STON2: variants seen among roughly 807,000 people sequenced by gnomAD.
STON2 encodes the protein stonin 2.
A neutral mutation model predicts 65.7 loss-of-function variants in STON2; 29 were observed. The ratio of observed to expected loss-of-function variants is 0.44; its 90% confidence interval spans 0.33 to 0.60. The LOEUF (loss-of-function observed/expected upper bound fraction) is 0.60. Ranked by LOEUF, STON2 falls within the 20% of genes least tolerant of loss-of-function variation. STON2 has a pLI of 0.03. For synonymous variants in STON2, 404 were observed against 414.2 expected (o/e 0.98, Z 0.30); for missense variants, 1,054 against 1,118.1 (o/e 0.94, Z 0.82).
At chr14:81,323,757 A>G (rs1431111499) in intron 5 of STON2, 1 of 152,124 alleles carries the variant, frequency 6.6e-6, no homozygotes, top group Non-Finnish European at 1.5e-5. Flanking sequence ...TTGTTTTTCT[A>G]CAGTGCCAAA....
At position 81,430,152 on chromosome 14, in the gene STON2, C is replaced by T. The variant is rs557171659; in HGVS notation, c.-309-2940G>A. Among the ~76,000 whole-genome samples the T allele has an allele frequency of 9.7e-4, 147 of 152,304 alleles. 1 individual carries two copies. The highest frequency in any genetic ancestry group is 3.5e-3 in the African/African-American group (144 of 41,558). On this transcript the variant is annotated intron_variant, in intron 1 of 8. Coordinates refer to the STON2 transcript ENST00000553821. ...TCCAGCCCGGAGTAGCTGCTCCTCC[C>T]TGAACCTTCCCAGCCCAGCACAATC...
chr14:81,333,512 T>A (rs1242833028), intron 4 of STON2, among the ~76,000 whole-genome samples: 1 of 152,210 alleles, frequency 6.6e-6, no homozygotes, highest in Non-Finnish European at 1.5e-5. Context: ...AAAAGTTAAG[T>A]GTTTTGTACT....
rs1383210314 is a variant in STON2, at chr14:81,262,670, A to G, written c.*5744T>C. ...ATTACTGTGGATAGTTTCTGCCTTT[A>G]CAGGCTTAGAATTGACAAATTGAGA... On this transcript the variant is annotated 3_prime_UTR_variant, in exon 8 of 8. Transcript: ENST00000614646. The G allele has an allele frequency of 2.0e-6, 2 of 985,448 alleles. No individual in the cohort carries two copies. Among genetic ancestry groups the G allele is most frequent in the South Asian group, 9.4e-5 (2 of 21,288 alleles). The allele number at this position is 985,448 out of a possible 1,614,324, so 61.0% of individuals were successfully genotyped here.
At chr14:81,380,847 G>T (rs1351544905) in intron 3 of STON2, among the ~76,000 whole-genome samples, 1 of 152,050 alleles carries the variant, frequency 6.6e-6, no homozygotes, top group African/African-American at 2.4e-5. Flanking sequence ...AGGAGAGTGA[G>T]GATTGAAAAA....
chr14:81,269,435 G>A (rs757284373), intron 7 of STON2: 13 of 985,422 alleles, frequency 1.3e-5, no homozygotes, highest in Non-Finnish European at 1.6e-5. Context: ...ATCTTTGAAA[G>A]TAATACATCT....
At chr14:81,293,440 G>A (rs1262190608) in intron 5 of STON2, among the ~76,000 whole-genome samples, 2 of 152,064 alleles carry the variant, frequency 1.3e-5, no homozygotes, top group African/African-American at 4.8e-5. Flanking sequence ...CCAAAGTGCT[G>A]GGATTACAGG....
intron 2 of STON2, among the ~76,000 whole-genome samples, chr14:81,416,430 G>A (rs1045092202): frequency 2.6e-5 from 4 of 152,200 alleles, no homozygotes; most frequent in Non-Finnish European, 4.4e-5. Flanking sequence ...AGACAGGAAA[G>A]AGCCTAGCTG....
intron 2 of STON2, among the ~76,000 whole-genome samples, chr14:81,407,019 C>A (rs1239099953): frequency 6.6e-6 from 1 of 152,190 alleles, no homozygotes; most frequent in Non-Finnish European, 1.5e-5. Context: ...CTCCAGCTGA[C>A]CACACTGCAG....
chr14:81,373,700 A>C (rs1407737176), intron 3 of STON2, among the ~76,000 whole-genome samples: 1 of 152,206 alleles, frequency 6.6e-6, no homozygotes, highest in Non-Finnish European at 1.5e-5. Flanking sequence ...GGGCCAACCG[A>C]AGATGGGGAA....
intron 2 of STON2, among the ~76,000 whole-genome samples, chr14:81,415,723 A>G (rs1052242009): frequency 1.8e-4 from 28 of 151,874 alleles, no homozygotes; most frequent in African/African-American, 6.8e-4. Flanking sequence ...CCTTGCACAT[A>G]GCAAAATTAT....
chr14:81,283,616 C>T (rs1406237335), intron 5 of STON2, among the ~76,000 whole-genome samples: 2 of 148,366 alleles, frequency 1.3e-5, no homozygotes, highest in Admixed American at 6.9e-5. Context: ...CTGCAAGTTC[C>T]GCCTCCCGGG....
chr14:81,420,808 C>T (rs1324065393), intron 2 of STON2, among the ~76,000 whole-genome samples: 1 of 152,158 alleles, frequency 6.6e-6, no homozygotes, highest in Non-Finnish European at 1.5e-5. Context: ...TTGCACTCAG[C>T]CATGCTTAAC....
intron 3 of STON2, among the ~76,000 whole-genome samples, chr14:81,389,864 ATCCAC>A (rs144973932): frequency 0.014 from 2,089 of 152,324 alleles, 42 homozygotes; most frequent in Middle Eastern, 0.044. Context: ...TTCTCCCAGC[ATCCAC>A]TTATTCCTTT....
intron 2 of STON2, chr14:81,412,984 G>C: frequency 9.4e-7 from 1 of 1,067,538 alleles, no homozygotes. Flanking sequence ...GCGACCAAAA[G>C]GCCGTGATCA....
At position 81,261,657 on chromosome 14, in the gene STON2, A is replaced by AAT. The variant is rs879183166; in HGVS notation, c.*6755_*6756dup. The AAT allele has an allele frequency of 4.1e-5, 35 of 858,370 alleles. No individual in the cohort carries two copies. Among genetic ancestry groups the AAT allele is most frequent in the South Asian group, 9.7e-5 (2 of 20,572 alleles). The allele number at this position is 858,370 out of a possible 1,614,324, so 53.2% of individuals were successfully genotyped here. ...TCACAATATTTTATACAAAATGACA[A>AAT]ATATATATATACCTCATTGATTATC... On this transcript the variant is annotated 3_prime_UTR_variant, in exon 8 of 8. Coordinates refer to ENST00000614646, the MANE Select transcript of STON2 (RefSeq NM_001394390.1).
rs561982559 is a variant in STON2 at position 81,398,475 on chromosome 14, G to A, written c.-93C>T. ...GGCTGGAGTAGGGGTATGGTAGTAC[G>A]GTAGACTTGGGTCCAGGGTCTGTTC... On this transcript the variant is annotated 5_prime_UTR_variant, in exon 2 of 8. Transcript: ENST00000614646. The A allele has an allele frequency of 2.9e-5, 26 of 902,204 alleles. No individual in the cohort carries two copies. The highest frequency in any genetic ancestry group is 2.8e-4 in the African/African-American group (17 of 61,320). 55.9% of individuals were successfully genotyped at this position (902,204 alleles called of 1,614,324 possible). A position where few individuals can be genotyped will look rare whatever the true frequency, so the allele number is the denominator to read the frequency against.
intron 1 of STON2, chr14:81,427,503 C>G (rs1249325032): frequency 6.6e-6 from 1 of 152,102 alleles, no homozygotes; most frequent in East Asian, 1.9e-4. Flanking sequence ...TAAAATCAAC[C>G]GGAAGCAGAG....
intron 4 of STON2, among the ~76,000 whole-genome samples, chr14:81,343,434 A>G (rs145040711): frequency 6.9e-6 from 1 of 144,444 alleles, no homozygotes; most frequent in African/African-American, 2.6e-5. Flanking sequence ...CCCTTCTCCC[A>G]CCCTACCCTC....
At chr14:81,299,219 T>C (rs528200423) in intron 5 of STON2, among the ~76,000 whole-genome samples, 1 of 152,298 alleles carries the variant, frequency 6.6e-6, no homozygotes, top group Non-Finnish European at 1.5e-5. Flanking sequence ...AAGTTACCCA[T>C]ACATGCACAG....
Sources: gnomAD v4.1 joint callset for allele counts (sites outside exome capture counted in the v4.1 genomes callset) on GRCh38, gnomAD v4.1.1 for gene constraint, MANE v1.5 for transcripts, NCBI Gene and HGNC (gene_info 2026-07-23, HGNC 2026-07-21) for gene names.